CNTNAP2: variants seen among roughly 807,000 people sequenced by gnomAD.
CNTNAP2 encodes contactin associated protein 2.
In CNTNAP2, 98 loss-of-function variants were observed where a neutral mutation model predicts 155.2. That is an observed-to-expected ratio of 0.63 (90% confidence interval 0.54 to 0.75). The LOEUF (loss-of-function observed/expected upper bound fraction) is 0.75, where lower values mean the gene tolerates loss of function less well. Among genes scored for constraint, CNTNAP2 ranks in the 30% least tolerant of loss-of-function variants. The pLI is 0.00. For synonymous variants in CNTNAP2, 651 were observed against 631.2 expected, an observed-to-expected ratio of 1.03 and a Z score of -0.47; for missense variants, 1,727 against 1,688.1, an observed-to-expected ratio of 1.02 and a Z score of -0.40.
At chr7:146,352,750 G>GTTTTGTTTTGTTTTT (rs1794934626) in intron 1 of CNTNAP2, among the ~76,000 whole-genome samples, 2 of 64,340 alleles carry the variant, frequency 3.1e-5, no homozygotes, top group Non-Finnish European at 5.7e-5. Flanking sequence ...GCATAATTCT[G>GTTTTGTTTTGTTTTT]TTTTTTTTTT....
intron 1 of CNTNAP2, among the ~76,000 whole-genome samples, chr7:146,616,165 G>C (rs544732227): frequency 6.6e-6 from 1 of 152,210 alleles, no homozygotes; most frequent in East Asian, 1.9e-4. Context: ...AAACAGGAAA[G>C]AGAAATGAAA....
At chr7:148,317,129 G>A (rs1010531447) in intron 21 of CNTNAP2, among the ~76,000 whole-genome samples, 1 of 152,224 alleles carries the variant, frequency 6.6e-6, no homozygotes, top group Non-Finnish European at 1.5e-5. Flanking sequence ...GCCGAGGTGG[G>A]CAGATCACCT....
At chr7:146,305,736 C>A (rs1273270370) in intron 1 of CNTNAP2, among the ~76,000 whole-genome samples, 2 of 152,108 alleles carry the variant, frequency 1.3e-5, no homozygotes, top group African/African-American at 4.8e-5. Flanking sequence ...CTCTGGGACA[C>A]ATTTAAAGCA....
intron 11 of CNTNAP2, among the ~76,000 whole-genome samples, chr7:147,548,551 T>G (rs543399657): frequency 6.6e-5 from 10 of 152,264 alleles, no homozygotes; most frequent in African/African-American, 2.4e-4. Flanking sequence ...TCCCATTCTG[T>G]AGGTTGCCTG....
chr7:147,430,320 G>C (rs1299666100), intron 10 of CNTNAP2, among the ~76,000 whole-genome samples: 1 of 152,084 alleles, frequency 6.6e-6, no homozygotes, highest in Non-Finnish European at 1.5e-5. Context: ...CAGTTAATTG[G>C]CTTGATTACA....
chr7:147,618,298 A>G (rs1227543935), intron 12 of CNTNAP2, among the ~76,000 whole-genome samples: 9 of 152,184 alleles, frequency 5.9e-5, no homozygotes, highest in Admixed American at 2.6e-4. Context: ...AGGAATTCAG[A>G]CTACACATTG....
chr7:147,753,599 G>A (rs1464961412), intron 13 of CNTNAP2, among the ~76,000 whole-genome samples: 1 of 152,116 alleles, frequency 6.6e-6, no homozygotes, highest in Non-Finnish European at 1.5e-5. Context: ...AAGAAATTTG[G>A]AAAAAATTTA....
At chr7:146,807,119 G>T (rs569174481) in intron 2 of CNTNAP2, among the ~76,000 whole-genome samples, 2 of 151,998 alleles carry the variant, frequency 1.3e-5, no homozygotes, top group Non-Finnish European at 2.9e-5. Flanking sequence ...TATACAAATG[G>T]TACACATTTA....
At chr7:147,285,731 C>G (rs1368566027) in intron 8 of CNTNAP2, among the ~76,000 whole-genome samples, 1 of 151,964 alleles carries the variant, frequency 6.6e-6, no homozygotes, top group Non-Finnish European at 1.5e-5. Flanking sequence ...GGAGAAGAGG[C>G]AAGGTGCTCT....
chr7:147,396,032 T>C (rs1014456247), intron 10 of CNTNAP2, among the ~76,000 whole-genome samples: 1 of 148,316 alleles, frequency 6.7e-6, no homozygotes, highest in Non-Finnish European at 1.5e-5. Flanking sequence ...ATATGAGATA[T>C]ATCCTATATG....
At chr7:147,542,591 GT>G (rs1171894934) in intron 11 of CNTNAP2, among the ~76,000 whole-genome samples, 2 of 152,176 alleles carry the variant, frequency 1.3e-5, no homozygotes, top group East Asian at 3.9e-4. Flanking sequence ...CTTATGTTAA[GT>G]TTACAATGTT....
At position 146,827,891 on chromosome 7, in the gene CNTNAP2, G is replaced by A. The variant is rs190391467; in HGVS notation, c.209-11820G>A. Among the ~76,000 whole-genome samples, 949 of 152,060 alleles carry A rather than the reference G, an allele frequency of 6.2e-3. 3 individuals are homozygous for A. The highest frequency in any genetic ancestry group is 0.011 in the Non-Finnish European group (723 of 67,954). Reference sequence around the variant, plus strand: ...GCAGCTTCCAAATAGTTGCAAAGACGAACATGACTTCAGTGACTTTGACTA... The same window carrying A: ...GCAGCTTCCAAATAGTTGCAAAGACAAACATGACTTCAGTGACTTTGACTA... On this transcript the variant is annotated intron_variant, in intron 2 of 23. Coordinates refer to ENST00000361727, the MANE Select transcript of CNTNAP2 (RefSeq NM_014141.6).
intron 15 of CNTNAP2, among the ~76,000 whole-genome samples, chr7:148,026,617 G>GA (rs1173182188): frequency 6.6e-6 from 1 of 152,076 alleles, no homozygotes; most frequent in African/African-American, 2.4e-5. Context: ...TTTGCACTTT[G>GA]AAAAAATTAT....
At chr7:146,340,415 A>T (rs1202590129) in intron 1 of CNTNAP2, among the ~76,000 whole-genome samples, 2 of 151,448 alleles carry the variant, frequency 1.3e-5, no homozygotes, top group Non-Finnish European at 2.9e-5. Flanking sequence ...TCTCATCATG[A>T]CCTTATTCTT....
At chr7:147,053,124 T>C (rs1276632400) in intron 4 of CNTNAP2, among the ~76,000 whole-genome samples, 1 of 152,078 alleles carries the variant, frequency 6.6e-6, no homozygotes, top group Non-Finnish European at 1.5e-5. Flanking sequence ...ATAAGGCTAA[T>C]GATGAAAGTG....
chr7:147,477,474 A>G (rs1798343088), intron 10 of CNTNAP2, among the ~76,000 whole-genome samples: 1 of 152,110 alleles, frequency 6.6e-6, no homozygotes, highest in African/African-American at 2.4e-5. Flanking sequence ...TACTTGGAGC[A>G]TTAAAATAGC....
intron 13 of CNTNAP2, among the ~76,000 whole-genome samples, chr7:147,732,001 G>C (rs533363944): frequency 6.6e-6 from 1 of 152,122 alleles, no homozygotes; most frequent in South Asian, 2.1e-4. Context: ...TAATGGATGA[G>C]ATGTTGCTTC....
chr7:148,361,202 C>T (rs1798613091), intron 21 of CNTNAP2, among the ~76,000 whole-genome samples: 1 of 152,200 alleles, frequency 6.6e-6, no homozygotes. Flanking sequence ...TTGAAGCTTG[C>T]ACTTAAAGTC....
intron 1 of CNTNAP2, among the ~76,000 whole-genome samples, chr7:146,710,526 A>T (rs1283953460): frequency 6.6e-6 from 1 of 152,128 alleles, no homozygotes; most frequent in Non-Finnish European, 1.5e-5. Context: ...TAGTTTTGTC[A>T]TTATTTCTCA....
Sources: allele counts gnomAD v4.1 joint callset (sites outside exome capture counted in the v4.1 genomes callset), GRCh38; gene constraint gnomAD v4.1.1; transcripts MANE v1.5; gene names NCBI Gene and HGNC (gene_info 2026-07-23, HGNC 2026-07-21).